Variants in DAB1 observed in about 807,000 individuals in gnomAD.
DAB1 encodes DAB adaptor protein 1, also known as disabled homolog 1.
Under a neutral mutation model 64.6 loss-of-function variants are expected in DAB1, and 15 were observed. The observed-to-expected ratio is 0.23, with a 90% confidence interval of 0.16 to 0.36. DAB1 has a LOEUF of 0.36. Among genes scored for constraint, DAB1 ranks in the 10% least tolerant of loss-of-function variants. The pLI is 1.00. For missense variants in DAB1, 596 were observed against 706.7 expected (o/e 0.84, Z 1.78); for synonymous variants, 235 against 251.9 (o/e 0.93, Z 0.64).
At chr1:57,013,065 C>T (rs867485308) in intron 12 of DAB1, among the ~76,000 whole-genome samples, 1 of 152,356 alleles carries the variant, frequency 6.6e-6, no homozygotes, top group Non-Finnish European at 1.5e-5. Context: ...ATACGTTTCT[C>T]TCATAGAGTG....
intron 7 of DAB1, among the ~76,000 whole-genome samples, chr1:57,506,189 A>C (rs1307059422): frequency 6.6e-6 from 1 of 152,206 alleles, no homozygotes; most frequent in African/African-American, 2.4e-5. Flanking sequence ...ATTGTTAAGA[A>C]ATAAAAGAAG....
chr1:57,230,910 A>G (rs1325433019), intron 2 of DAB1, among the ~76,000 whole-genome samples: 1 of 152,176 alleles, frequency 6.6e-6, no homozygotes, highest in Non-Finnish European at 1.5e-5. Flanking sequence ...GAATAACACA[A>G]GTATCTATGT....
At chr1:57,050,371 G>T (rs1041338735) in intron 9 of DAB1, among the ~76,000 whole-genome samples, 2 of 152,158 alleles carry the variant, frequency 1.3e-5, no homozygotes, top group African/African-American at 4.8e-5. Context: ...CTTCCTAACA[G>T]CTCCCAGATT....
chr1:57,041,152 G>A (rs758907855), intron 9 of DAB1, among the ~76,000 whole-genome samples: 13 of 152,192 alleles, frequency 8.5e-5, no homozygotes, highest in Admixed American at 5.2e-4. Context: ...TCTGACAGCC[G>A]TTCCATGCAA....
At chr1:57,194,091 G>C (rs1664410448) in intron 2 of DAB1, among the ~76,000 whole-genome samples, 1 of 152,230 alleles carries the variant, frequency 6.6e-6, no homozygotes, top group South Asian at 2.1e-4. Flanking sequence ...GGCCCACAGG[G>C]AGGTTACTTT....
chr1:57,216,677 C>G (rs1666450394), intron 2 of DAB1, among the ~76,000 whole-genome samples: 1 of 152,174 alleles, frequency 6.6e-6, no homozygotes, highest in Non-Finnish European at 1.5e-5. Flanking sequence ...ATCACAGTCA[C>G]TATATTTACA....
At chr1:57,863,258 T>TG (rs1336418492) in intron 1 of DAB1, 3 of 147,900 alleles carry the variant, frequency 2.0e-5, no homozygotes, top group Non-Finnish European at 4.5e-5. Context: ...CGCCTGGGTA[T>TG]GGGGGAGGTG....
intron 1 of DAB1, among the ~76,000 whole-genome samples, chr1:57,370,741 G>A (rs1057115695): frequency 6.6e-6 from 1 of 152,130 alleles, no homozygotes; most frequent in African/African-American, 2.4e-5. Context: ...TAACTGAAGT[G>A]CCTTTTAATT....
intron 9 of DAB1, among the ~76,000 whole-genome samples, chr1:57,032,924 T>A (rs1221998136): frequency 6.6e-6 from 1 of 152,236 alleles, no homozygotes; most frequent in East Asian, 1.9e-4. Context: ...TGGCACGTCC[T>A]GTTCATGTAT....
chr1:58,546,266 C>T (rs985389965), intron 1 of DAB1, among the ~76,000 whole-genome samples: 10 of 152,244 alleles, frequency 6.6e-5, no homozygotes, highest in Non-Finnish European at 1.5e-4. Context: ...CCCGACGCGC[C>T]GGGAGGCGGT....
intron 1 of DAB1, among the ~76,000 whole-genome samples, chr1:57,327,500 C>A (rs537520524): frequency 1.3e-5 from 2 of 152,104 alleles, no homozygotes; most frequent in African/African-American, 2.4e-5. Context: ...ATCCTCCGGA[C>A]GGCAGATGGG....
chr1:57,329,660 C>CAAAAAAAAAAAAAAAAAAAAA (rs57801886), intron 1 of DAB1, among the ~76,000 whole-genome samples: 1 of 101,050 alleles, frequency 9.9e-6, no homozygotes, highest in Non-Finnish European at 1.9e-5. Context: ...TTGTCTCTTC[C>CAAAAAAAAAAAAAAAAAAAAA]AAAAAAAAAA....
intron 2 of DAB1, among the ~76,000 whole-genome samples, chr1:58,509,220 T>C (rs1303710668): frequency 1.3e-5 from 2 of 152,092 alleles, no homozygotes; most frequent in East Asian, 3.9e-4. Flanking sequence ...CTGACCCTAA[T>C]GAAAGAGAAA....
At chr1:57,560,296 A>G (rs1027864284) in intron 7 of DAB1, among the ~76,000 whole-genome samples, 1 of 152,248 alleles carries the variant, frequency 6.6e-6, no homozygotes, top group Non-Finnish European at 1.5e-5. Context: ...CTGGTCCATT[A>G]CATTGATGAT....
intron 3 of DAB1, among the ~76,000 whole-genome samples, chr1:58,494,919 G>A (rs1645769543): frequency 6.6e-6 from 1 of 152,158 alleles, no homozygotes; most frequent in South Asian, 2.1e-4. Context: ...GCATTACTGG[G>A]TATATACCTA....
intron 4 of DAB1, among the ~76,000 whole-genome samples, chr1:57,087,381 G>A (rs570420673): frequency 3.7e-4 from 56 of 152,338 alleles, no homozygotes; most frequent in African/African-American, 1.1e-3. Flanking sequence ...GAAAACGTTC[G>A]GGCTAATTCA....
At chr1:57,017,557 T>A (rs1646474281) in intron 11 of DAB1, among the ~76,000 whole-genome samples, 1 of 152,166 alleles carries the variant, frequency 6.6e-6, no homozygotes, top group South Asian at 2.1e-4. Flanking sequence ...AAGGTGCCCA[T>A]TTCCTCTCAT....
At chr1:58,040,253 GA>G (rs1240928832) in intron 5 of DAB1, among the ~76,000 whole-genome samples, 8 of 151,930 alleles carry the variant, frequency 5.3e-5, no homozygotes, top group South Asian at 2.1e-4. Context: ...TTTTAAGGAA[GA>G]AAAAAAATCT....
At chr1:57,441,306 CTTTCTT>C (rs1470906671) in intron 7 of DAB1, among the ~76,000 whole-genome samples, 18,674 of 94,760 alleles carry the variant, frequency 0.2, 1,803 homozygotes, top group East Asian at 0.51. Flanking sequence ...TTCTTTCTTT[CTTTCTT>C]TCTTTCTTCT....
Sources: gnomAD v4.1 joint callset for allele counts (sites outside exome capture counted in the v4.1 genomes callset) on GRCh38, gnomAD v4.1.1 for gene constraint, MANE v1.5 for transcripts, NCBI Gene and HGNC (gene_info 2026-07-23, HGNC 2026-07-21) for gene names.